Variants in ADCY8 observed in about 807,000 individuals in gnomAD.
The protein encoded by ADCY8 is adenylate cyclase 8, also known as adenylate cyclase type 8.
In ADCY8, 51 loss-of-function variants were observed where a neutral mutation model predicts 119.7. That is an observed-to-expected ratio of 0.43 (90% CI 0.34 to 0.54). The LOEUF (loss-of-function observed/expected upper bound fraction) is 0.54. Ranked by LOEUF, ADCY8 falls within the 20% of genes least tolerant of loss-of-function variation. The pLI is 0.03. For missense variants in ADCY8, 1,383 were observed against 1,598.8 expected, an observed-to-expected ratio of 0.87 and a Z score of 2.30; for synonymous variants, 665 against 651.0, an observed-to-expected ratio of 1.02 and a Z score of -0.33.
At chr8:130,967,218 T>G (rs6980986) in intron 2 of ADCY8, among the ~76,000 whole-genome samples, 133,462 of 152,204 alleles carry the variant, frequency 0.88, 60,354 homozygotes, top group Non-Finnish European at 0.98. Flanking sequence ...GCTCCTGAAG[T>G]CATATTCTGT....
At chr8:130,794,335 C>A (rs573954707) in intron 15 of ADCY8, among the ~76,000 whole-genome samples, 1 of 152,286 alleles carries the variant, frequency 6.6e-6, no homozygotes, top group Non-Finnish European at 1.5e-5. Flanking sequence ...ACCTCCACTT[C>A]CCAGGTTCAA....
chr8:131,009,864 T>C (rs1298763860), intron 1 of ADCY8, among the ~76,000 whole-genome samples: 1 of 152,086 alleles, frequency 6.6e-6, no homozygotes, highest in Non-Finnish European at 1.5e-5. Context: ...CGGGAAGCAT[T>C]TGGGGAGGTA....
intron 14 of ADCY8, among the ~76,000 whole-genome samples, chr8:130,806,597 A>G (rs942575175): frequency 6.6e-6 from 1 of 152,222 alleles, no homozygotes; most frequent in Non-Finnish European, 1.5e-5. Flanking sequence ...AGAAGAGCCC[A>G]AAAGGAGTGA....
chr8:131,000,374 T>C (rs189051788), intron 1 of ADCY8, among the ~76,000 whole-genome samples: 187 of 152,226 alleles, frequency 1.2e-3, no homozygotes, highest in Middle Eastern at 0.01. Flanking sequence ...GGGAAAAATG[T>C]AGGTAAAGGT....
intron 15 of ADCY8, 144 bp from the exon 16 acceptor site, chr8:130,785,619 A>T: frequency 1.8e-6 from 1 of 555,488 alleles, no homozygotes; most frequent in East Asian, 3.1e-5. Context: ...TCTGAGAATC[A>T]TGCTTTCAGC....
chr8:131,009,702 A>G (rs1335082165), intron 1 of ADCY8, among the ~76,000 whole-genome samples: 1 of 152,280 alleles, frequency 6.6e-6, no homozygotes, highest in African/African-American at 2.4e-5. Context: ...AAGATAATGC[A>G]TTAGAGTAGA....
chr8:130,899,017 C>A (rs1819504268), intron 7 of ADCY8, among the ~76,000 whole-genome samples: 1 of 152,188 alleles, frequency 6.6e-6, no homozygotes, highest in Non-Finnish European at 1.5e-5. Flanking sequence ...CCTTCAGCTC[C>A]ATCTGTTACT....
At chr8:130,922,419 G>C (rs1003629627) in intron 5 of ADCY8, among the ~76,000 whole-genome samples, 4 of 151,776 alleles carry the variant, frequency 2.6e-5, no homozygotes, top group African/African-American at 9.7e-5. Flanking sequence ...CTCTTAACGA[G>C]CATGCTGCCT....
chr8:131,007,776 T>C (rs1563765335), intron 1 of ADCY8, among the ~76,000 whole-genome samples: 1 of 152,198 alleles, frequency 6.6e-6, no homozygotes, highest in East Asian at 1.9e-4. Flanking sequence ...ACACTGAGGG[T>C]ACAAATATGA....
intron 14 of ADCY8, among the ~76,000 whole-genome samples, chr8:130,812,025 C>A (rs888313547): frequency 6.6e-6 from 1 of 152,202 alleles, no homozygotes; most frequent in African/African-American, 2.4e-5. Flanking sequence ...CACATCTGCT[C>A]CATTATCAAG....
At chr8:130,931,112 TAAGAC>T (rs1409366036) in intron 5 of ADCY8, among the ~76,000 whole-genome samples, 1 of 152,230 alleles carries the variant, frequency 6.6e-6, no homozygotes, top group East Asian at 1.9e-4. Context: ...GCGTTTCTTA[TAAGAC>T]AAGTCTGGTG....
intron 14 of ADCY8, among the ~76,000 whole-genome samples, chr8:130,800,857 G>A (rs1815755394): frequency 6.6e-6 from 1 of 152,188 alleles, no homozygotes; most frequent in Non-Finnish European, 1.5e-5. Flanking sequence ...TGTCTGGTGA[G>A]GACTCACTTT....
chr8:130,969,845 G>A (rs747885459), intron 2 of ADCY8, among the ~76,000 whole-genome samples: 1 of 152,186 alleles, frequency 6.6e-6, no homozygotes. Context: ...GAAGATTAGG[G>A]ACTTGCCTAA....
chr8:130,813,137 C>T (rs538212884), intron 14 of ADCY8, among the ~76,000 whole-genome samples: 5 of 152,112 alleles, frequency 3.3e-5, no homozygotes, highest in East Asian at 1.9e-4. Context: ...TTAGTAGAGA[C>T]GGGGTTTCAC....
In ADCY8 at chr8:130,934,661, A is replaced by G. The variant is rs141558143; in HGVS notation, c.1481+2412T>C. 1.4e-4 allele frequency among the ~76,000 whole-genome samples: 21 copies of G among 152,298 alleles called. No homozygotes were observed. In the East Asian group the frequency reaches 3.9e-3, roughly 28 times the overall value. On this transcript the variant is annotated intron_variant, in intron 5 of 17. Coordinates refer to ENST00000286355, the MANE Select transcript of ADCY8 (RefSeq NM_001115.3). ...AAGTGTCCAAATTAGCAGTTAAAAA[A>G]CATCTGCAGCCTTTTCCATTAACCA... is the stretch of plus-strand genomic sequence containing the variant.
At chr8:130,949,974 G>A (rs1821222084) in intron 3 of ADCY8, among the ~76,000 whole-genome samples, 2 of 152,158 alleles carry the variant, frequency 1.3e-5, no homozygotes, top group African/African-American at 4.8e-5. Flanking sequence ...CCCTGGGAAT[G>A]ACCTATCCTG....
At chr8:130,898,853 A>G (rs562201407) in intron 7 of ADCY8, among the ~76,000 whole-genome samples, 1 of 152,316 alleles carries the variant, frequency 6.6e-6, no homozygotes, top group Middle Eastern at 3.4e-3. Context: ...TTTTCTGCTA[A>G]GTCTACTCTT....
At chr8:130,880,054 T>C (rs1175583845) in intron 8 of ADCY8, among the ~76,000 whole-genome samples, 1 of 152,186 alleles carries the variant, frequency 6.6e-6, no homozygotes, top group African/African-American at 2.4e-5. Flanking sequence ...GCTCTCTCTT[T>C]GCCTGCTGCC....
chr8:130,893,239 A>G (rs1336269000), intron 7 of ADCY8, among the ~76,000 whole-genome samples: 1 of 152,176 alleles, frequency 6.6e-6, no homozygotes, highest in East Asian at 1.9e-4. Flanking sequence ...CATCCGTAGT[A>G]ATGTGTGGAA....
Sources: gnomAD v4.1 joint callset for allele counts (sites outside exome capture counted in the v4.1 genomes callset) on GRCh38, gnomAD v4.1.1 for gene constraint, MANE v1.5 for transcripts, NCBI Gene and HGNC (gene_info 2026-07-23, HGNC 2026-07-21) for gene names.